The following GABRD variants were observed in gnomAD, a reference collection of about 807,000 sequenced individuals.
The protein encoded by GABRD is gamma-aminobutyric acid receptor subunit delta.
GABRD carries 25 observed loss-of-function variants against 47.3 expected under a neutral mutation model. That is an observed-to-expected ratio of 0.53 (90% CI 0.39 to 0.74). GABRD has a LOEUF of 0.74. Among genes scored for constraint, GABRD ranks in the 30% least tolerant of loss-of-function variants. GABRD has a pLI of 0.00. For missense variants in GABRD, 497 were observed against 643.4 expected (o/e 0.77, Z 2.46); for synonymous variants, 314 against 278.8 (o/e 1.13, Z -1.26).
chr1:2,021,528 C>T (rs1658777781), intron 1 of GABRD, among the ~76,000 whole-genome samples: 1 of 152,236 alleles, frequency 6.6e-6, no homozygotes, highest in African/African-American at 2.4e-5. Context: ...GTCCCCATTG[C>T]AGCAGCTCCT....
In GABRD at chr1:2,029,259, G is replaced by A. The variant is rs1557448178; in HGVS notation, c.840G>A (p.Val280=). The part of the protein sequence containing the change: ...WISQAAVPAR[V]SLGITTVLTM... The stretch of plus-strand genomic sequence containing the variant: ...GCCAGGCGGCGGTGCCCGCCAGGGT[G>A]TCTCTAGGTACGGGGCCTCGCCGCT... The change falls in exon 7 of 9, where the codon GTG becomes GTA. Residue 280 remains valine (V), a synonymous_variant. Coordinates refer to ENST00000378585, the MANE Select transcript of GABRD (RefSeq NM_000815.5). The A allele has an allele frequency of 6.4e-7, 1 of 1,560,574 alleles. No homozygotes were observed. The highest frequency in any genetic ancestry group is 1.2e-5 in the South Asian group (1 of 84,984).
At chr1:2,025,313 A>T in intron 2 of GABRD, 21 bp from the exon 3 acceptor site, 4 of 1,612,870 alleles carry the variant, frequency 2.5e-6, no homozygotes, top group Non-Finnish European at 3.4e-6. Flanking sequence ...AGTCCTTCTT[A>T]GTTCTGCTCT....
intron 1 of GABRD, chr1:2,023,643 C>G (rs1190617246): frequency 1.3e-5 from 2 of 152,194 alleles, no homozygotes; most frequent in Admixed American, 1.3e-4. Flanking sequence ...AGGTCCCGGC[C>G]CCTCAACTCT....
At chr1:2,022,645 G>A (rs1034629116) in intron 1 of GABRD, among the ~76,000 whole-genome samples, 1 of 152,280 alleles carries the variant, frequency 6.6e-6, no homozygotes, top group African/African-American at 2.4e-5. Context: ...CTTTGCGTCC[G>A]ACCTTCAAGG....
rs1210679594 is a variant in GABRD, at chr1:2,028,703, C to G, written c.692-408C>G. ...CTTGTCTCCCAGCCCCACTTTCCCACCCCTACGCACCCCGTCCCCGGTCAT... is the reference window on the plus strand; with the variant it reads ...CTTGTCTCCCAGCCCCACTTTCCCAGCCCTACGCACCCCGTCCCCGGTCAT... On this transcript the variant is annotated intron_variant, in intron 6 of 8. Transcript: ENST00000378585. This position sits in a 1 kb window ranked among gnomAD's most constrained non-coding sequence, Gnocchi z 6.4. Among the ~76,000 whole-genome samples, 1 of 152,038 alleles carries G rather than the reference C, an allele frequency of 6.6e-6. No homozygotes were observed. Among genetic ancestry groups the G allele is most frequent in the Non-Finnish European group, 1.5e-5 (1 of 68,028 alleles).
In GABRD at chr1:2,028,877, C is replaced by T; in HGVS notation, c.692-234C>T. ...ACATGAGGCCAGCAGTAACCTCAGC[C>T]TCTCTCCCTCTCCTCTGGGTGACAC... is the stretch of plus-strand genomic sequence containing the variant. On this transcript the variant is annotated intron_variant, in intron 6 of 8. Transcript: ENST00000378585. This position sits in a 1 kb window ranked among gnomAD's most constrained non-coding sequence, Gnocchi z 6.4. 1.7e-6 allele frequency: 1 copy of T among 584,664 alleles called. No individual in the cohort carries two copies. The highest frequency in any genetic ancestry group is 3.0e-6 in the Non-Finnish European group (1 of 333,212). The allele number at this position is 584,664 out of a possible 1,614,324, so 36.2% of individuals were successfully genotyped here. A position where few individuals can be genotyped will look rare whatever the true frequency, so the allele number is the denominator to read the frequency against.
Position 2,028,396 on chromosome 1 carries a change from C to CCCT in GABRD, c.691+104_691+105insCCT. The CCCT allele has an allele frequency of 8.1e-7, 1 of 1,240,064 alleles. No homozygotes were observed. Among genetic ancestry groups the CCCT allele is most frequent in the East Asian group, 3.7e-5 (1 of 27,038 alleles). 76.8% of individuals were successfully genotyped at this position (1,240,064 alleles called of 1,614,324 possible). On this transcript the variant is annotated intron_variant, in intron 6 of 8. Coordinates refer to ENST00000378585, the MANE Select transcript of GABRD (RefSeq NM_000815.5). This position sits in a 1 kb window ranked among gnomAD's most constrained non-coding sequence, Gnocchi z 6.4. ...CACCGCCCCTTCCGCGTGCGCCCGC[C>CCCT]TGTGGTTTTCATGCTTTTTAGTCAA... is the stretch of plus-strand genomic sequence containing the variant.
chr1:2,030,625 G>A lies in GABRD; in HGVS notation c.*343G>A. 1 of 222,614 alleles carries A rather than the reference G, an allele frequency of 4.5e-6. No homozygotes were observed. The allele number at this position is 222,614 out of a possible 1,614,324, so 13.8% of individuals were successfully genotyped here. On this transcript the variant is annotated 3_prime_UTR_variant, in exon 9 of 9. Coordinates refer to ENST00000378585, the MANE Select transcript of GABRD (RefSeq NM_000815.5). ...ATCCTGGTTTCTAGGTCTTTGCTCT[G>A]CAGGATCGGGATCAGAGCGTGGGAG...
chr1:2,026,182 G>C (rs1197068653), intron 4 of GABRD, among the ~76,000 whole-genome samples: 2 of 152,130 alleles, frequency 1.3e-5, no homozygotes, highest in African/African-American at 2.4e-5. Flanking sequence ...GCAGCCACCC[G>C]CTTGCTTTCT....
At chr1:2,025,212 G>A (rs1658886803) in intron 2 of GABRD, 122 bp from the exon 3 acceptor site, 3 of 1,326,630 alleles carry the variant, frequency 2.3e-6, no homozygotes, top group African/African-American at 1.4e-5. Flanking sequence ...AGACAGCCAG[G>A]GAGGTGCAGC....
Position 2,027,612 on chromosome 1 carries a change from C to G in GABRD, c.506C>G (p.Ala169Gly), listed in dbSNP as rs1307816582. The G allele has an allele frequency of 6.2e-7, 1 of 1,613,812 alleles. No individual in the cohort carries two copies. Among genetic ancestry groups the G allele is most frequent in the Non-Finnish European group, 8.5e-7 (1 of 1,179,962 alleles). Residue 169 changes from alanine to glycine, a missense_variant, in exon 5 of 9, where the codon GCC becomes GGC. Ala to Gly is a moderately conservative substitution (Grantham distance 60, BLOSUM62 0). Transcript: ENST00000378585. ...ACTGTGGCCTGCGACATGGACCTGG[C>G]CAAATACCCCATGGACGAGCAGGAG... ...TSTVACDMDLAKYPMDEQECM... is the reference protein window; with the variant it reads ...TSTVACDMDLGKYPMDEQECM...
chr1:2,030,008 T>A lies in GABRD; in HGVS notation c.1085T>A (p.Leu362His). ...ATGGACGTGAGGAACGCCATTGTCC[T>A]CTTCTCCCTCTCTGCTGCCGGCGTC... ...AEMDVRNAIV[L>H]FSLSAAGVTQ... Residue 362 changes from leucine to histidine, a missense_variant, in exon 9 of 9, where the codon CTC becomes CAC. Leu to His is a moderately conservative substitution (Grantham distance 99). This residue lies in a region of GABRD where 285 missense variants were observed against 436.6 expected (regional missense o/e 0.65). Transcript: ENST00000378585. The A allele has an allele frequency of 2.5e-6, 4 of 1,612,744 alleles. No individual in the cohort carries two copies. The South Asian group carries it at 4.4e-5, about 18-fold the overall frequency.
intron 1 of GABRD, among the ~76,000 whole-genome samples, chr1:2,020,261 G>A (rs1294608078): frequency 2.0e-5 from 3 of 152,328 alleles, no homozygotes; most frequent in Non-Finnish European, 2.9e-5. Context: ...AGGCAACTTG[G>A]CCCCACCACG....
In GABRD at chr1:2,030,528, C is replaced by G. The variant is rs2102154521; in HGVS notation, c.*246C>G. 2.5e-6 allele frequency: 1 copy of G among 393,584 alleles called. No individual in the cohort carries two copies. Among genetic ancestry groups the G allele is most frequent in the South Asian group, 1.1e-4 (1 of 9,456 alleles). 24.4% of individuals were successfully genotyped at this position (393,584 alleles called of 1,614,324 possible). A position where few individuals can be genotyped will look rare whatever the true frequency, so the allele number is the denominator to read the frequency against. ...CTGCACAGATGAAGGAGCAGAGGTT[C>G]TGACCGAGAGGCTGAGCCAGGCCGG... On this transcript the variant is annotated 3_prime_UTR_variant, in exon 9 of 9. Transcript: ENST00000378585.
chr1:2,025,867 G>A (rs531305926), intron 4 of GABRD, 129 bp downstream of exon 4: 12 of 729,454 alleles, frequency 1.6e-5, no homozygotes, highest in Admixed American at 2.6e-5. Flanking sequence ...GGGCGGAGGG[G>A]GGGGCAGAAG....
intron 4 of GABRD, among the ~76,000 whole-genome samples, chr1:2,026,045 A>G (rs1183316065): frequency 1.3e-5 from 2 of 152,248 alleles, no homozygotes; most frequent in African/African-American, 4.8e-5. Flanking sequence ...TGAACAATTC[A>G]GTGGCATTTG....
rs769534410 is a variant in GABRD, at chr1:2,028,140, G to T, written c.554-15G>T. Reference sequence around the variant, plus strand: ...GGGCCGGGCTCTGCCGCCCACCTGTGTGCTTTTCCTCCAGACGGTTACTCA... The same window carrying T: ...GGGCCGGGCTCTGCCGCCCACCTGTTTGCTTTTCCTCCAGACGGTTACTCA... On this transcript the variant is annotated splice_polypyrimidine_tract_variant and intron_variant, in intron 5 of 8. Coordinates refer to ENST00000378585, the MANE Select transcript of GABRD (RefSeq NM_000815.5). This position sits in a 1 kb window ranked among gnomAD's most constrained non-coding sequence, Gnocchi z 6.4. The T allele has an allele frequency of 3.1e-6, 5 of 1,603,142 alleles. No homozygotes were observed. The East Asian group carries it at 1.1e-4, about 36-fold the overall frequency.
Position 2,025,021 on chromosome 1 carries a change from G to C in GABRD, c.148G>C (p.Gly50Arg). The C allele has an allele frequency of 6.2e-7, 1 of 1,612,668 alleles. No individual in the cohort carries two copies. The highest frequency in any genetic ancestry group is 1.1e-5 in the South Asian group (1 of 91,084). ...CCCCAACCTGGACGGGCTGATAGCC[G>C]GCTACGCCCGCAACTTCCGGCCTGG... ...WLPNLDGLIA[G>R]YARNFRPGIG... Residue 50 changes from glycine to arginine, a missense_variant, in exon 2 of 9, where the codon GGC becomes CGC. Around this residue, in one of 3 missense-constraint regions of GABRD, gnomAD observed 91 missense variants for 85.5 expected, o/e 1.06. Transcript: ENST00000378585.
intron 1 of GABRD, among the ~76,000 whole-genome samples, 192 bp downstream of exon 1, chr1:2,019,683 G>A (rs2102141033): frequency 6.6e-6 from 1 of 151,754 alleles, no homozygotes; most frequent in East Asian, 2.0e-4. Flanking sequence ...GCTGCCCTTG[G>A]GCTCGGGACG....
Sources: gnomAD v4.1 joint callset for allele counts (sites outside exome capture counted in the v4.1 genomes callset) on GRCh38, gnomAD v4.1.1 for gene constraint, gnomAD v4.1.1 regional missense constraint, Gnocchi (gnomAD v3.1) non-coding constraint, MANE v1.5 for transcripts, NCBI Gene and HGNC (gene_info 2026-07-23, HGNC 2026-07-21) for gene names.